Variants in DIAPH2 observed in about 807,000 individuals in gnomAD.
The protein encoded by DIAPH2 is protein diaphanous homolog 2.
In DIAPH2, 35 loss-of-function variants were observed where a neutral mutation model predicts 92.7. The observed-to-expected ratio is 0.38, with a 90% confidence interval of 0.29 to 0.50. The LOEUF is 0.50. Ranked by LOEUF, DIAPH2 falls within the 20% of genes least tolerant of loss-of-function variation. The pLI is 0.94. For synonymous variants in DIAPH2, 301 were observed against 280.4 expected (o/e 1.07, Z -0.73); for missense variants, 701 against 819.5 (o/e 0.86, Z 1.77).
At chrX:97,597,566 G>A (rs1329476881) in intron 26 of DIAPH2, among the ~76,000 whole-genome samples, 6 of 111,698 alleles carry the variant, frequency 5.4e-5, no homozygotes, top group Non-Finnish European at 5.6e-5. Flanking sequence ...TTTCAAGTCA[G>A]CATGATCCTC....
At chrX:96,965,462 T>C (rs1336005498) in intron 17 of DIAPH2, among the ~76,000 whole-genome samples, 1 of 111,677 alleles carries the variant, frequency 9.0e-6, no homozygotes, top group East Asian at 2.8e-4. Context: ...TAAATATGTG[T>C]GTTGCACTGC....
intron 17 of DIAPH2, among the ~76,000 whole-genome samples, chrX:96,986,745 T>C (rs1221046627): frequency 9.0e-6 from 1 of 111,390 alleles, no homozygotes; most frequent in African/African-American, 3.3e-5. Context: ...TCCCTTACCA[T>C]GTAGAGATTG....
chrX:96,744,771 C>T (rs763031241), intron 3 of DIAPH2, among the ~76,000 whole-genome samples: 147 of 111,786 alleles, frequency 1.3e-3, no homozygotes, highest in Non-Finnish European at 2.0e-3. Context: ...TGAAATTTAT[C>T]TTTTTTTATT....
chrX:97,358,581 T>C (rs2069291534), intron 24 of DIAPH2, among the ~76,000 whole-genome samples: 2 of 112,062 alleles, frequency 1.8e-5, no homozygotes, highest in South Asian at 7.4e-4. Flanking sequence ...GTTAATATTA[T>C]ATCTATCATA....
At chrX:96,953,722 TTA>T (rs1424652316) in intron 15 of DIAPH2, 1 of 112,630 alleles carries the variant, frequency 8.9e-6, no homozygotes, top group Admixed American at 9.5e-5. Context: ...CTCTTCCACA[TTA>T]ATCTTCGTAC....
At chrX:97,348,085 T>G (rs200324758) in intron 23 of DIAPH2, 31 bp from the exon 24 acceptor site, 2 of 1,197,173 alleles carry the variant, frequency 1.7e-6, no homozygotes. Flanking sequence ...TAAAAGGTAC[T>G]GTTGAGCCAT....
At chrX:96,737,213 A>G (rs1351448790) in intron 2 of DIAPH2, among the ~76,000 whole-genome samples, 5 of 112,003 alleles carry the variant, frequency 4.5e-5, no homozygotes, top group East Asian at 2.8e-4. Context: ...CTAAAATACT[A>G]TGATTTATAT....
intron 8 of DIAPH2, among the ~76,000 whole-genome samples, chrX:96,918,107 G>A (rs749609471): frequency 3.2e-4 from 35 of 110,303 alleles, no homozygotes; most frequent in African/African-American, 6.9e-4. Flanking sequence ...AGAAATATAC[G>A]GACAGGAACA....
intron 26 of DIAPH2, among the ~76,000 whole-genome samples, chrX:97,533,775 C>T (rs1405665274): frequency 8.9e-6 from 1 of 111,857 alleles, no homozygotes; most frequent in Non-Finnish European, 1.9e-5. Flanking sequence ...TGATTCATTC[C>T]TGAACCAATC....
chrX:97,430,551 G>A (rs147660707), intron 26 of DIAPH2, among the ~76,000 whole-genome samples: 1 of 112,576 alleles, frequency 8.9e-6, no homozygotes, highest in African/African-American at 3.2e-5. Flanking sequence ...TTCATGGGCT[G>A]TAAAGCTATA....
At chrX:96,818,003 A>T (rs188534195) in intron 4 of DIAPH2, among the ~76,000 whole-genome samples, 6,760 of 71,126 alleles carry the variant, frequency 0.095, 433 homozygotes, top group East Asian at 0.32. Context: ...TTTTTTTGAG[A>T]CGGAGTCTCG....
intron 3 of DIAPH2, among the ~76,000 whole-genome samples, chrX:96,749,820 C>T (rs1216213001): frequency 2.7e-5 from 3 of 110,825 alleles, no homozygotes; most frequent in African/African-American, 6.6e-5. Flanking sequence ...ATGCCTGTTC[C>T]AGACAGTACA....
At chrX:96,944,230 A>G (rs750349887) in intron 13 of DIAPH2, among the ~76,000 whole-genome samples, 1 of 111,710 alleles carries the variant, frequency 9.0e-6, no homozygotes, top group Non-Finnish European at 1.9e-5. Context: ...ATGCCTTTCC[A>G]TTGAAATTTA....
chrX:97,598,434 A>C (rs1052169433), intron 26 of DIAPH2, among the ~76,000 whole-genome samples: 8 of 111,902 alleles, frequency 7.1e-5, no homozygotes, highest in African/African-American at 2.3e-4. Context: ...TCTCATTCTA[A>C]ATAGAGAATC....
At chrX:96,858,184 G>A (rs759220020) in intron 4 of DIAPH2, among the ~76,000 whole-genome samples, 12 of 111,447 alleles carry the variant, frequency 1.1e-4, no homozygotes, top group Middle Eastern at 9.2e-3. Context: ...TTTTAATTTT[G>A]TATTCCAGGG....
At chrX:97,305,489 G>A (rs991024573) in intron 23 of DIAPH2, among the ~76,000 whole-genome samples, 21 of 103,501 alleles carry the variant, frequency 2.0e-4, no homozygotes, top group Non-Finnish European at 3.9e-4. Flanking sequence ...GAGAAACTCC[G>A]TCTCAAAAAA....
chrX:97,557,868 A>G (rs1176271993), intron 26 of DIAPH2, among the ~76,000 whole-genome samples: 1 of 111,943 alleles, frequency 8.9e-6, no homozygotes, highest in African/African-American at 3.2e-5. Flanking sequence ...TGGCATATCA[A>G]CTGTATGTAA....
intron 4 of DIAPH2, among the ~76,000 whole-genome samples, chrX:96,770,280 GCCTGATAGTAATATA>G (rs1425512836): frequency 9.0e-6 from 1 of 110,805 alleles, no homozygotes; most frequent in Non-Finnish European, 1.9e-5. Context: ...ACTATAAGCT[GCCTGATAGTAATATA>G]CCTAAAATAC....
rs1043445702 is a variant in DIAPH2 at position 96,864,672 on chromosome X, T to C, written c.448-16907T>C. 6.2e-5 allele frequency among the ~76,000 whole-genome samples: 7 copies of C among 112,026 alleles called. No homozygotes were observed. The East Asian group carries it at 2.0e-3, about 31-fold the overall frequency. On this transcript the variant is annotated intron_variant, in intron 4 of 26. Coordinates refer to ENST00000324765, the MANE Select transcript of DIAPH2 (RefSeq NM_006729.5). ...TCCCCAAACTAAAGCAGTGAATTTTTTTGTAAGTTCTGTATCTTTGTGGCC... is the reference window on the plus strand; with the variant it reads ...TCCCCAAACTAAAGCAGTGAATTTTCTTGTAAGTTCTGTATCTTTGTGGCC...
Sources: allele counts gnomAD v4.1 joint callset (sites outside exome capture counted in the v4.1 genomes callset), GRCh38; gene constraint gnomAD v4.1.1; transcripts MANE v1.5; gene names NCBI Gene and HGNC (gene_info 2026-07-23, HGNC 2026-07-21).